The following SLIT3 variants were observed in gnomAD, a reference collection of about 807,000 sequenced individuals.
SLIT3 encodes the protein slit homolog 3 protein.
In SLIT3, 68 loss-of-function variants were observed where a neutral mutation model predicts 184.0. The ratio of observed to expected loss-of-function variants is 0.37; its 90% CI spans 0.30 to 0.45. The LOEUF (loss-of-function observed/expected upper bound fraction) is 0.45, where lower values mean the gene tolerates loss of function less well. Among genes scored for constraint, SLIT3 ranks in the 20% least tolerant of loss-of-function variants. The pLI is 1.00. For synonymous variants in SLIT3, 831 were observed against 828.6 expected, an observed-to-expected ratio of 1.00 and a Z score of -0.05; for missense variants, 1,707 against 2,026.0, an observed-to-expected ratio of 0.84 and a Z score of 3.02.
chr5:169,228,169 C>G (rs143332479), intron 3 of SLIT3, among the ~76,000 whole-genome samples: 1 of 152,120 alleles, frequency 6.6e-6, no homozygotes, highest in African/African-American at 2.4e-5. Context: ...AAGAACCAAT[C>G]ACATATATTT....
chr5:168,848,666 T>TC (rs1316917154), intron 5 of SLIT3, among the ~76,000 whole-genome samples: 1 of 152,164 alleles, frequency 6.6e-6, no homozygotes, highest in Non-Finnish European at 1.5e-5. Flanking sequence ...AGAGGAATCC[T>TC]CCGACAAGCA....
At chr5:169,022,282 TTGAG>T (rs1229006318) in intron 4 of SLIT3, 1 of 152,112 alleles carries the variant, frequency 6.6e-6, no homozygotes, top group Non-Finnish European at 1.5e-5. Context: ...AAGAAGCATA[TTGAG>T]TGAGAAAGGG....
At chr5:169,289,998 T>G (rs576787920) in intron 1 of SLIT3, among the ~76,000 whole-genome samples, 1 of 150,412 alleles carries the variant, frequency 6.6e-6, no homozygotes, top group Non-Finnish European at 1.5e-5. Flanking sequence ...CACTAGGGCA[T>G]ACACTAGGGC....
At chr5:169,223,490 G>A (rs1005572482) in intron 3 of SLIT3, among the ~76,000 whole-genome samples, 9 of 152,210 alleles carry the variant, frequency 5.9e-5, no homozygotes, top group African/African-American at 1.4e-4. Context: ...TGATAGAGAC[G>A]TGCAGTTAGG....
Position 169,300,085 on chromosome 5 carries a change from G to C in SLIT3, c.197+428C>G, listed in dbSNP as rs1297947774. On this transcript the variant is annotated intron_variant, in intron 1 of 35. Coordinates refer to ENST00000519560, the MANE Select transcript of SLIT3 (RefSeq NM_003062.4). The surrounding 1 kb of genome is among the most constrained non-coding windows in gnomAD (Gnocchi z 4.1). ...GATCTCCAAGCAGGTCAACAGTCTC[G>C]GGCCCTCTCTCCCGCCTCCGCGCCT... Among the ~76,000 whole-genome samples, 1 of 152,226 alleles carries C rather than the reference G, an allele frequency of 6.6e-6. No individual in the cohort carries two copies. The highest frequency in any genetic ancestry group is 1.5e-5 in the Non-Finnish European group (1 of 68,038).
At chr5:168,857,813 A>C (rs1440880448) in intron 5 of SLIT3, among the ~76,000 whole-genome samples, 1 of 152,224 alleles carries the variant, frequency 6.6e-6, no homozygotes, top group Non-Finnish European at 1.5e-5. Flanking sequence ...ATTAACTTCT[A>C]CCAAAGCGCT....
At chr5:169,113,913 C>A (rs192076352) in intron 4 of SLIT3, among the ~76,000 whole-genome samples, 1 of 152,272 alleles carries the variant, frequency 6.6e-6, no homozygotes, top group East Asian at 1.9e-4. Context: ...CTCAGCCTCC[C>A]AAAGTGCTGG....
intron 4 of SLIT3, among the ~76,000 whole-genome samples, chr5:169,063,555 T>A (rs977129452): frequency 6.6e-6 from 1 of 152,208 alleles, no homozygotes; most frequent in Non-Finnish European, 1.5e-5. Flanking sequence ...CTGCTGGGGA[T>A]TACTTGCTCC....
At chr5:169,053,903 C>T (rs987354511) in intron 4 of SLIT3, among the ~76,000 whole-genome samples, 1 of 152,008 alleles carries the variant, frequency 6.6e-6, no homozygotes, top group African/African-American at 2.4e-5. Context: ...GCCTGGCCAA[C>T]ATGGTGAAAC....
chr5:168,745,514 C>G (rs1431080464), intron 20 of SLIT3, among the ~76,000 whole-genome samples: 1 of 151,990 alleles, frequency 6.6e-6, no homozygotes, highest in East Asian at 1.9e-4. Flanking sequence ...CAGGTTCAAG[C>G]CATTCTCATA....
At chr5:169,081,781 A>T (rs1395247831) in intron 4 of SLIT3, among the ~76,000 whole-genome samples, 1 of 152,204 alleles carries the variant, frequency 6.6e-6, no homozygotes, top group Non-Finnish European at 1.5e-5. Flanking sequence ...GAATGTATTT[A>T]AAAAATTTAT....
intron 4 of SLIT3, among the ~76,000 whole-genome samples, chr5:169,071,112 C>A (rs761458437): frequency 4.6e-5 from 7 of 152,142 alleles, no homozygotes; most frequent in Non-Finnish European, 7.3e-5. Flanking sequence ...AATTAAGAGG[C>A]TATATGCCCT....
chr5:169,241,612 G>T (rs543248582), intron 3 of SLIT3, among the ~76,000 whole-genome samples: 1 of 152,232 alleles, frequency 6.6e-6, no homozygotes, highest in African/African-American at 2.4e-5. Context: ...AAACTCAAGC[G>T]CTTTAATAAA....
chr5:169,251,909 A>G (rs1765787624), intron 1 of SLIT3, among the ~76,000 whole-genome samples: 1 of 152,182 alleles, frequency 6.6e-6, no homozygotes, highest in South Asian at 2.1e-4. Context: ...TGGGATTGCT[A>G]AGCTGTTCAG....
intron 3 of SLIT3, among the ~76,000 whole-genome samples, chr5:169,211,019 TATTTC>T (rs765867878): frequency 6.6e-6 from 1 of 152,158 alleles, no homozygotes; most frequent in Non-Finnish European, 1.5e-5. Flanking sequence ...TCTCATCTCT[TATTTC>T]ATTTGCCATC....
intron 4 of SLIT3, among the ~76,000 whole-genome samples, chr5:168,918,987 T>C (rs775617030): frequency 1.3e-4 from 20 of 152,142 alleles, no homozygotes; most frequent in Admixed American, 2.0e-4. Context: ...GATATACTAG[T>C]AGTAATGTGC....
At chr5:169,166,901 C>T (rs898226116) in intron 4 of SLIT3, among the ~76,000 whole-genome samples, 7 of 152,180 alleles carry the variant, frequency 4.6e-5, no homozygotes, top group Admixed American at 1.3e-4. Context: ...CACGGCGGCT[C>T]ACGCCTGTAA....
chr5:168,912,153 AT>A (rs1250989819), intron 4 of SLIT3, among the ~76,000 whole-genome samples: 4 of 152,060 alleles, frequency 2.6e-5, no homozygotes, highest in Non-Finnish European at 5.9e-5. Context: ...CGGTAAATTT[AT>A]TTTTTCTTAT....
intron 9 of SLIT3, among the ~76,000 whole-genome samples, chr5:168,799,657 G>A (rs2113614664): frequency 6.6e-6 from 1 of 152,274 alleles, no homozygotes; most frequent in East Asian, 1.9e-4. Context: ...CAAGTCACCT[G>A]GTTAAAAGGT....
Sources: gnomAD v4.1 joint callset for allele counts (sites outside exome capture counted in the v4.1 genomes callset) on GRCh38, gnomAD v4.1.1 for gene constraint, Gnocchi (gnomAD v3.1) non-coding constraint, MANE v1.5 for transcripts, NCBI Gene and HGNC (gene_info 2026-07-23, HGNC 2026-07-21) for gene names.